MTMR8: variants seen among roughly 807,000 people sequenced by gnomAD.
MTMR8 encodes the protein myotubularin related protein 8.
MTMR8 carries 65 observed loss-of-function variants against 39.3 expected under a neutral mutation model. The observed-to-expected ratio is 1.65, with a 90% CI of 1.35 to 2.03. MTMR8 has a LOEUF of 2.03. MTMR8 is among the 30% of genes most tolerant of loss of function. The pLI is 0.00. For synonymous variants in MTMR8, 245 were observed against 185.2 expected (o/e 1.32, Z -2.62); for missense variants, 777 against 538.9 (o/e 1.44, Z -4.37).
chrX:64,341,807 T>A (rs1408261992), intron 8 of MTMR8, among the ~76,000 whole-genome samples: 1 of 112,091 alleles, frequency 8.9e-6, no homozygotes, highest in Non-Finnish European at 1.9e-5. Context: ...ATTAAACTAC[T>A]ATCAGTGATG....
chrX:64,344,259 A>C (rs139550241), intron 7 of MTMR8, among the ~76,000 whole-genome samples: 1,427 of 111,888 alleles, frequency 0.013, 29 homozygotes, highest in African/African-American at 0.043. Flanking sequence ...TGGGGCAAAA[A>C]AGAAAGGAGT....
At chrX:64,312,497 G>T (rs771578321) in intron 12 of MTMR8, among the ~76,000 whole-genome samples, 1 of 112,196 alleles carries the variant, frequency 8.9e-6, no homozygotes, top group Non-Finnish European at 1.9e-5. Flanking sequence ...GCAAGAGAAA[G>T]AAATAAAGGA....
Position 64,328,884 on chromosome X carries a change from G to C in MTMR8, c.1369C>G (p.His457Asp), listed in dbSNP as rs191414785. The C allele has an allele frequency of 3.4e-6, 4 of 1,190,753 alleles. No individual in the cohort carries two copies. Among genetic ancestry groups the C allele is most frequent in the Non-Finnish European group, 4.5e-6 (4 of 889,669 alleles). ...TGAACCAAGAAAGGCCACACAGAAT[G>C]TGTTTTCTCATAGACTCTGTTAGAA... ...REDLRVYEKT[H>D]SVWPFLVQRK... Residue 457 changes from histidine (H) to aspartate (D), a missense_variant, in exon 12 of 14, where the codon CAT becomes GAT. By Grantham distance (81) the His-to-Asp change is moderately conservative (BLOSUM62 -1). Transcript: ENST00000374852.
chrX:64,356,360 G>A (rs1230449506), intron 2 of MTMR8, 22 bp from the exon 3 acceptor site: 3 of 1,185,131 alleles, frequency 2.5e-6, no homozygotes, highest in Non-Finnish European at 2.3e-6. Context: ...AAAAGAACCA[G>A]CGTAAACATA....
At chrX:64,326,408 T>G (rs1448951622) in intron 12 of MTMR8, among the ~76,000 whole-genome samples, 1 of 111,717 alleles carries the variant, frequency 9.0e-6, no homozygotes, top group African/African-American at 3.2e-5. Context: ...AATAGTAAAC[T>G]ATCTGAAAAA....
chrX:64,331,067 C>A, intron 11 of MTMR8, among the ~76,000 whole-genome samples: 1 of 111,454 alleles, frequency 9.0e-6, no homozygotes, highest in Non-Finnish European at 1.9e-5. Flanking sequence ...CACTAAAGAA[C>A]TCATTCATGT....
intron 1 of MTMR8, among the ~76,000 whole-genome samples, chrX:64,362,359 CAA>C (rs774792451): frequency 2.0e-5 from 2 of 101,979 alleles, no homozygotes; most frequent in Non-Finnish European, 4.0e-5. Context: ...AAATCAACCT[CAA>C]AAAAAAGTAA....
intron 4 of MTMR8, among the ~76,000 whole-genome samples, chrX:64,354,188 G>T (rs1387785395): frequency 9.3e-6 from 1 of 107,678 alleles, no homozygotes; most frequent in Non-Finnish European, 1.9e-5. Context: ...GGAGTGGGGG[G>T]GATAAAAAGA....
At chrX:64,281,702 G>A (rs1431252148) in intron 12 of MTMR8, among the ~76,000 whole-genome samples, 1 of 110,796 alleles carries the variant, frequency 9.0e-6, no homozygotes, top group East Asian at 2.8e-4. Flanking sequence ...TTGACAAATG[G>A]GATCTAATTA....
At chrX:64,377,443 C>T (rs1047876498) in intron 1 of MTMR8, among the ~76,000 whole-genome samples, 5 of 112,731 alleles carry the variant, frequency 4.4e-5, no homozygotes, top group Non-Finnish European at 9.4e-5. Flanking sequence ...CCTTGCATCA[C>T]TGTGGCCTGG....
At chrX:64,284,604 C>G (rs1921084702) in intron 12 of MTMR8, among the ~76,000 whole-genome samples, 1 of 111,960 alleles carries the variant, frequency 8.9e-6, no homozygotes, top group Non-Finnish European at 1.9e-5. Context: ...AAGGGAACCC[C>G]ATCACACTAA....
chrX:64,370,303 A>T (rs1414140844), intron 1 of MTMR8, among the ~76,000 whole-genome samples: 2 of 110,567 alleles, frequency 1.8e-5, no homozygotes, highest in Non-Finnish European at 3.8e-5. Context: ...GTGGTTCAGA[A>T]CCCCTGCTTC....
At chrX:64,338,338 C>T (rs1260604026) in intron 8 of MTMR8, among the ~76,000 whole-genome samples, 1 of 112,041 alleles carries the variant, frequency 8.9e-6, no homozygotes, top group African/African-American at 3.2e-5. Context: ...GGGGAAAATC[C>T]ATGCCAGGTA....
chrX:64,350,112 ACATT>A, intron 4 of MTMR8, 42 bp from the exon 5 acceptor site: 1 of 776,772 alleles, frequency 1.3e-6, no homozygotes, highest in Non-Finnish European at 1.6e-6. Context: ...ATATATTTAT[ACATT>A]TATATATAAC....
chrX:64,271,105 G>T (rs1216472639), intron 12 of MTMR8, 32 bp from the exon 13 acceptor site: 1 of 1,163,006 alleles, frequency 8.6e-7, no homozygotes, highest in Non-Finnish European at 1.1e-6. Flanking sequence ...GGAAAAGTGG[G>T]TTAGTTTAGC....
At chrX:64,392,844 G>A (rs1229289760) in intron 1 of MTMR8, among the ~76,000 whole-genome samples, 1 of 111,316 alleles carries the variant, frequency 9.0e-6, no homozygotes, top group Non-Finnish European at 1.9e-5. Flanking sequence ...TTTGACCTGA[G>A]ATGGACAAGG....
chrX:64,304,175 A>G (rs111914212), intron 12 of MTMR8, among the ~76,000 whole-genome samples: 2,020 of 112,230 alleles, frequency 0.018, 22 homozygotes, highest in Non-Finnish European at 0.027. Flanking sequence ...AAAAACTTAC[A>G]GGGGCGGGGA....
chrX:64,305,870 C>T (rs909776213), intron 12 of MTMR8: 2 of 267,607 alleles, frequency 7.5e-6, no homozygotes, highest in East Asian at 1.6e-4. Context: ...AATGCTAGCA[C>T]TTTGGGAGGC....
intron 1 of MTMR8, among the ~76,000 whole-genome samples, chrX:64,392,125 T>C (rs1287477585): frequency 9.0e-6 from 1 of 111,703 alleles, no homozygotes; most frequent in Non-Finnish European, 1.9e-5. Context: ...CTAAGCTATA[T>C]CTTAGATAGA....
Sources: allele counts gnomAD v4.1 joint callset (sites outside exome capture counted in the v4.1 genomes callset), GRCh38; gene constraint gnomAD v4.1.1; transcripts MANE v1.5; gene names NCBI Gene and HGNC (gene_info 2026-07-23, HGNC 2026-07-21).